MAML3: variants seen among roughly 807,000 people sequenced by gnomAD.
MAML3 encodes mastermind like transcriptional coactivator 3, also known as mastermind-like protein 3.
A neutral mutation model predicts 101.9 loss-of-function variants in MAML3; 27 were observed. That is an observed-to-expected ratio of 0.27 (90% CI 0.20 to 0.37). The LOEUF is 0.37. Among genes scored for constraint, MAML3 ranks in the 10% least tolerant of loss-of-function variants. The probability of loss-of-function intolerance (pLI) is 1.00; values close to 1 mark genes in which losing one functional copy is unlikely to be tolerated. For missense variants in MAML3, 1,316 were observed against 1,444.9 expected, an observed-to-expected ratio of 0.91 and a Z score of 1.45; for synonymous variants, 501 against 555.9, an observed-to-expected ratio of 0.90 and a Z score of 1.39.
In MAML3 at chr4:139,719,933, A is replaced by G; in HGVS notation, c.2807T>C (p.Val936Ala). The G allele has an allele frequency of 6.2e-7, 1 of 1,614,030 alleles. No individual in the cohort carries two copies. Residue 936 changes from valine to alanine, a missense_variant, in exon 5 of 5, where the codon GTA becomes GCA. Transcript: ENST00000509479. Reference sequence around the variant, plus strand: ...TTGGGGCCTAGGCAAGGCCTGGCCTACTGGCCCTTTCATCTGTGGATGTTG... The same window carrying G: ...TTGGGGCCTAGGCAAGGCCTGGCCTGCTGGCCCTTTCATCTGTGGATGTTG... ...TQQHPQMKGP[V>A]GQALPRPQAP...
At chr4:140,150,134 C>G (rs1356270656) in intron 1 of MAML3, among the ~76,000 whole-genome samples, 2 of 152,100 alleles carry the variant, frequency 1.3e-5, no homozygotes, top group African/African-American at 4.8e-5. Context: ...CAGGCTAAAT[C>G]ATTGTCATAA....
intron 1 of MAML3, among the ~76,000 whole-genome samples, chr4:140,048,683 G>A (rs67029051): frequency 0.13 from 20,323 of 152,182 alleles, 1,467 homozygotes; most frequent in African/African-American, 0.15. Context: ...TATACTGGCA[G>A]TTATCCAGTT....
At chr4:139,753,614 T>A (rs1729577642) in intron 2 of MAML3, among the ~76,000 whole-genome samples, 1 of 152,180 alleles carries the variant, frequency 6.6e-6, no homozygotes, top group African/African-American at 2.4e-5. Context: ...AATATCTGTA[T>A]TAGGGCAACT....
intron 1 of MAML3, among the ~76,000 whole-genome samples, chr4:139,910,008 A>C (rs1193761297): frequency 6.6e-6 from 1 of 152,122 alleles, no homozygotes. Context: ...ATAAAAAAAA[A>C]CAGTATTGGT....
chr4:139,974,820 G>C (rs1734299785), intron 1 of MAML3, among the ~76,000 whole-genome samples: 1 of 152,078 alleles, frequency 6.6e-6, no homozygotes, highest in African/African-American at 2.4e-5. Context: ...AGGTGGCAAA[G>C]GTTTTCTGGA....
At chr4:139,957,140 TA>T (rs1733930349) in intron 1 of MAML3, among the ~76,000 whole-genome samples, 1 of 152,224 alleles carries the variant, frequency 6.6e-6, no homozygotes, top group Non-Finnish European at 1.5e-5. Flanking sequence ...ACTCCATTTC[TA>T]AGGAAGAAAC....
intron 1 of MAML3, among the ~76,000 whole-genome samples, chr4:140,101,676 A>C (rs1169747722): frequency 6.6e-6 from 1 of 152,188 alleles, no homozygotes; most frequent in African/African-American, 2.4e-5. Flanking sequence ...TACCTCTTAG[A>C]TCAGTGTAAA....
At chr4:140,032,097 T>C (rs571628008) in intron 1 of MAML3, among the ~76,000 whole-genome samples, 328 of 152,358 alleles carry the variant, frequency 2.2e-3, no homozygotes, top group Middle Eastern at 0.014. Context: ...TTTACCTGTC[T>C]GTGCACATTT....
intron 1 of MAML3, among the ~76,000 whole-genome samples, chr4:140,137,119 GC>G (rs1287655960): frequency 1.3e-5 from 2 of 152,210 alleles, no homozygotes; most frequent in Non-Finnish European, 2.9e-5. Context: ...CTCCTGAGTA[GC>G]TGGGATTACA....
intron 2 of MAML3, among the ~76,000 whole-genome samples, chr4:139,767,975 A>C (rs1254329843): frequency 6.6e-6 from 1 of 152,180 alleles, no homozygotes; most frequent in Admixed American, 6.5e-5. Flanking sequence ...ATTCTGAACA[A>C]GTTTATTTTA....
intron 2 of MAML3, chr4:139,740,082 T>C (rs1317621352): frequency 3.3e-5 from 5 of 152,138 alleles, no homozygotes; most frequent in Non-Finnish European, 5.9e-5. Flanking sequence ...CGGCTTTACA[T>C]TGCTGCCACA....
intron 1 of MAML3, among the ~76,000 whole-genome samples, chr4:139,940,839 T>C (rs188881370): frequency 1.6e-3 from 238 of 152,346 alleles, no homozygotes; most frequent in Non-Finnish European, 2.5e-3. Flanking sequence ...CATTTTTCCA[T>C]GTCCCAGCAC....
Position 139,719,825 on chromosome 4 carries a change from G to A in MAML3, c.2915C>T (p.Pro972Leu), listed in dbSNP as rs766508359. The stretch of plus-strand genomic sequence containing the variant: ...TCCCAATTCTCCACTAGTCCTCCCA[G>A]GCATGCCCTGCAAGCTCCTCTGTTG... ...SWQQRSLQGMPGRTSGELGPF... is the reference protein window; with the variant it reads ...SWQQRSLQGMLGRTSGELGPF... The change falls in exon 5 of 5, where the codon CCT (proline) becomes CTT (leucine). Residue 972 changes from proline (P) to leucine (L), a missense_variant. Pro to Leu is a moderately conservative substitution (Grantham distance 98). Coordinates refer to ENST00000509479, the MANE Select transcript of MAML3 (RefSeq NM_018717.5). 8.7e-6 allele frequency: 14 copies of A among 1,613,542 alleles called. No individual in the cohort carries two copies. The highest frequency in any genetic ancestry group is 1.2e-5 in the Non-Finnish European group (14 of 1,179,902).
At position 139,719,148 on chromosome 4, in the gene MAML3, T is replaced by G; in HGVS notation, c.*175A>C. 1 of 663,224 alleles carries G rather than the reference T, an allele frequency of 1.5e-6. No homozygotes were observed. Among genetic ancestry groups the G allele is most frequent in the Non-Finnish European group, 2.4e-6 (1 of 408,892 alleles). The allele number at this position is 663,224 out of a possible 1,614,324, so 41.1% of individuals were successfully genotyped here. On this transcript the variant is annotated 3_prime_UTR_variant, in exon 5 of 5. Transcript: ENST00000509479. ...ATTGCTGTGTGAAAATCAGGTGAAATGAGGCCTGGTGGGGCTGTGGATTGG... is the reference window on the plus strand; with the variant it reads ...ATTGCTGTGTGAAAATCAGGTGAAAGGAGGCCTGGTGGGGCTGTGGATTGG...
chr4:139,719,592 C>G lies in MAML3; in HGVS notation c.3148G>C (p.Gly1050Arg). The G allele has an allele frequency of 6.2e-7, 1 of 1,613,318 alleles. No individual in the cohort carries two copies. The highest frequency in any genetic ancestry group is 8.5e-7 in the Non-Finnish European group (1 of 1,179,674). The change falls in exon 5 of 5, where the codon GGC becomes CGC. Residue 1050 changes from glycine (G) to arginine (R), a missense_variant. Coordinates refer to ENST00000509479, the MANE Select transcript of MAML3 (RefSeq NM_018717.5). ...TSQARPMVMS[G>R]LSQGVPGMPA... The stretch of plus-strand genomic sequence containing the variant: ...ATGCCTGGGACTCCCTGGCTCAGGC[C>G]AGACATGACCATTGGCCTCGCCTGG...
intron 1 of MAML3, among the ~76,000 whole-genome samples, chr4:140,058,316 T>G (rs1005387727): frequency 6.6e-6 from 1 of 151,842 alleles, no homozygotes; most frequent in Non-Finnish European, 1.5e-5. Flanking sequence ...GGTCTCAAAC[T>G]CCTGGGCTCA....
At chr4:140,029,383 CTCTT>C (rs1726873681) in intron 1 of MAML3, among the ~76,000 whole-genome samples, 1 of 152,196 alleles carries the variant, frequency 6.6e-6, no homozygotes, top group Non-Finnish European at 1.5e-5. Context: ...TGAATTCTCT[CTCTT>C]TCTGGGTGAT....
chr4:140,145,690 C>T (rs1409382446), intron 1 of MAML3, among the ~76,000 whole-genome samples: 1 of 151,924 alleles, frequency 6.6e-6, no homozygotes, highest in African/African-American at 2.4e-5. Flanking sequence ...CTCAGCCTCC[C>T]AAGTAGCTGG....
intron 1 of MAML3, among the ~76,000 whole-genome samples, chr4:140,023,593 T>G (rs1044810084): frequency 1.3e-5 from 2 of 152,234 alleles, no homozygotes; most frequent in East Asian, 3.8e-4. Flanking sequence ...CAAGCTTATA[T>G]TTGTTCTTTC....
Sources: gnomAD v4.1 joint callset for allele counts (sites outside exome capture counted in the v4.1 genomes callset) on GRCh38, gnomAD v4.1.1 for gene constraint, MANE v1.5 for transcripts, NCBI Gene and HGNC (gene_info 2026-07-23, HGNC 2026-07-21) for gene names.